Variants in YEATS2 observed in about 807,000 individuals in gnomAD.
YEATS2 encodes YEATS domain-containing protein 2.
In YEATS2, 77 loss-of-function variants were observed where a neutral mutation model predicts 163.2. The observed-to-expected ratio is 0.47, with a 90% CI of 0.39 to 0.57. YEATS2 has a LOEUF of 0.57. Ranked by LOEUF, YEATS2 falls within the 20% of genes least tolerant of loss-of-function variation. The pLI, the probability that YEATS2 is intolerant of heterozygous loss-of-function variation, is 0.00. For missense variants in YEATS2, 1,549 were observed against 1,729.8 expected, an observed-to-expected ratio of 0.90 and a Z score of 1.85; for synonymous variants, 631 against 645.1, an observed-to-expected ratio of 0.98 and a Z score of 0.33.
chr3:183,710,183 A>G (rs1715050673), intron 1 of YEATS2, among the ~76,000 whole-genome samples: 1 of 152,230 alleles, frequency 6.6e-6, no homozygotes, highest in Non-Finnish European at 1.5e-5. Flanking sequence ...TTCAGAAGCT[A>G]TAGAGGATTA....
chr3:183,758,910 C>A lies in YEATS2; in HGVS notation c.1601C>A (p.Thr534Lys), dbSNP rs34759333. 3,531 of 1,596,138 alleles carry A rather than the reference C, an allele frequency of 2.2e-3. 77 individuals carry two copies. The African/African-American group carries it at 0.041, about 19-fold the overall frequency. Residue 534 changes from threonine (T) to lysine (K), a missense_variant, in exon 13 of 31, where the codon ACA (threonine) becomes AAA (lysine). By Grantham distance (78) the Thr-to-Lys change is moderately conservative. Coordinates refer to ENST00000305135, the MANE Select transcript of YEATS2 (RefSeq NM_018023.5). ...ISTASQVSQG[T>K]GSPVPKIHGS... ...ACGGCTTCTCAGGTCTCCCAAGGAA[C>A]AGGTTCCCCTGTTCCTAAAATTCAT...
Position 183,786,163 on chromosome 3 carries a change from C to T in YEATS2, c.2775C>T (p.Ser925=), listed in dbSNP as rs776419573. 33 of 1,613,892 alleles carry T rather than the reference C, an allele frequency of 2.0e-5. 1 individual carries two copies. In the South Asian group the frequency reaches 2.4e-4, roughly 12 times the overall value. The change falls in exon 20 of 31, where the codon TCC becomes TCT. Residue 925 remains serine, a synonymous_variant. Coordinates refer to ENST00000305135, the MANE Select transcript of YEATS2 (RefSeq NM_018023.5). The part of the protein sequence containing the change: ...HGGQASLMKI[S]DSTLKTVPAT... ...GACAGGCATCTCTAATGAAAATATC[C>T]GATAGCACCTTGAAGACTGTGCCAG...
chr3:183,718,856 A>G (rs1401567546), intron 4 of YEATS2, among the ~76,000 whole-genome samples: 1 of 151,416 alleles, frequency 6.6e-6, no homozygotes, highest in Non-Finnish European at 1.5e-5. Flanking sequence ...CACCATGCCC[A>G]GCTCATTTTT....
chr3:183,775,517 C>T (rs1722895360), intron 17 of YEATS2, among the ~76,000 whole-genome samples: 2 of 152,194 alleles, frequency 1.3e-5, no homozygotes, highest in Admixed American at 6.5e-5. Context: ...ATCGCTTGAA[C>T]CCGGGAGGCA....
At chr3:183,793,194 G>A (rs959095450) in intron 21 of YEATS2, 1 of 1,277,434 alleles carries the variant, frequency 7.8e-7, no homozygotes, top group Non-Finnish European at 1.0e-6. Flanking sequence ...ACACACTCAC[G>A]CATGCAGACA....
At chr3:183,800,379 T>A in intron 23 of YEATS2, 87 bp from the exon 24 acceptor site, 1 of 940,972 alleles carries the variant, frequency 1.1e-6, no homozygotes, top group East Asian at 2.4e-5. Context: ...CTTACTGAGC[T>A]TCACTGTAAG....
rs1320583066 is a variant in YEATS2 at position 183,697,855 on chromosome 3, T to G, written c.-158T>G. The G allele has an allele frequency of 2.7e-5, 4 of 150,726 alleles. No homozygotes were observed. Among genetic ancestry groups the G allele is most frequent in the Non-Finnish European group, 5.9e-5 (4 of 67,590 alleles). 9.3% of individuals were successfully genotyped at this position (150,726 alleles called of 1,614,324 possible). Reference sequence around the variant, plus strand: ...GCGCCGGGCGGGCTCCACCGCGCCGTGTGCTTCCGCAGGTTGCGGGGGTCG... The same window carrying G: ...GCGCCGGGCGGGCTCCACCGCGCCGGGTGCTTCCGCAGGTTGCGGGGGTCG... On this transcript the variant is annotated 5_prime_UTR_variant, in exon 1 of 31. Coordinates refer to ENST00000305135, the MANE Select transcript of YEATS2 (RefSeq NM_018023.5).
chr3:183,802,165 C>G (rs1408527958), intron 25 of YEATS2: 2 of 152,428 alleles, frequency 1.3e-5, no homozygotes, highest in Non-Finnish European at 2.9e-5. Context: ...CTGCTTAGCC[C>G]CAGTTGTTTT....
chr3:183,761,967 G>A, intron 14 of YEATS2, 130 bp from the exon 15 acceptor site: 1 of 1,224,202 alleles, frequency 8.2e-7, no homozygotes, highest in South Asian at 1.3e-5. Context: ...CCTTCTGGTG[G>A]AGTCATTCTT....
At chr3:183,780,288 A>G (rs948070870) in intron 19 of YEATS2, among the ~76,000 whole-genome samples, 11 of 152,188 alleles carry the variant, frequency 7.2e-5, no homozygotes, top group African/African-American at 2.4e-4. Flanking sequence ...TGGAAACTGA[A>G]TAGAACTGGC....
At chr3:183,754,604 C>T (rs1025705125) in intron 11 of YEATS2, among the ~76,000 whole-genome samples, 9 of 152,110 alleles carry the variant, frequency 5.9e-5, no homozygotes, top group Non-Finnish European at 8.8e-5. Context: ...TTTTTGTCTG[C>T]CAGAATCAGC....
At chr3:183,785,768 G>A (rs991965518) in intron 19 of YEATS2, among the ~76,000 whole-genome samples, 2 of 152,116 alleles carry the variant, frequency 1.3e-5, no homozygotes, top group African/African-American at 2.4e-5. Flanking sequence ...TTTAAATCTG[G>A]CCCTGTCTAG....
intron 21 of YEATS2, among the ~76,000 whole-genome samples, chr3:183,796,836 G>C (rs1217675271): frequency 1.3e-5 from 2 of 152,118 alleles, no homozygotes; most frequent in African/African-American, 4.8e-5. Flanking sequence ...AGTACTATCT[G>C]AAAACATTAG....
intron 29 of YEATS2, chr3:183,808,743 C>A (rs1726485393): frequency 1.1e-5 from 2 of 182,504 alleles, no homozygotes; most frequent in East Asian, 1.6e-4. Context: ...GTAATCCCAG[C>A]TACTTGGGAG....
At position 183,728,843 on chromosome 3, in the gene YEATS2, G is replaced by A; in HGVS notation, c.804G>A (p.Val268=). 6.2e-7 allele frequency: 1 copy of A among 1,609,552 alleles called. No homozygotes were observed. The part of the protein sequence containing the change: ...LHPSYKPNDL[V]EVREPPFHLT... Reference sequence around the variant, plus strand: ...CTAGCTATAAACCAAATGACCTTGTGGAAGTTAGGTAAGCACGCTTGAGGT... The same window carrying A: ...CTAGCTATAAACCAAATGACCTTGTAGAAGTTAGGTAAGCACGCTTGAGGT... Residue 268 remains valine (V), a synonymous_variant, in exon 7 of 31, where the codon GTG becomes GTA. Transcript: ENST00000305135.
rs1476512665 is a variant in YEATS2, at chr3:183,790,971, A to G, written c.3088A>G (p.Thr1030Ala). 1 of 1,613,742 alleles carries G rather than the reference A, an allele frequency of 6.2e-7. No homozygotes were observed. The highest frequency in any genetic ancestry group is 8.5e-7 in the Non-Finnish European group (1 of 1,179,754). ...PTPNPISGKA[T>A]VSGLLKIHSS... ...ACCAAACCCCATCTCTGGGAAAGCC[A>G]CAGTATCCGGTGAGTTGCATTGTGA... is the stretch of plus-strand genomic sequence containing the variant. Residue 1030 changes from threonine to alanine, a missense_variant, in exon 21 of 31, where the codon ACA (threonine) becomes GCA (alanine). Transcript: ENST00000305135.
rs764443964 is a variant in YEATS2, at chr3:183,790,813, C to T, written c.2930C>T (p.Pro977Leu). The T allele has an allele frequency of 1.5e-5, 24 of 1,613,840 alleles. No individual in the cohort carries two copies. In the East Asian group the frequency reaches 5.3e-4, roughly 36 times the overall value. ...GGTGAGCAGTCTGAAGGAATGGCTC[C>T]CGTGTCTTCATCTACGGTCAGTTCT... ...GPAQQSEGMA[P>L]VSSSTVSSVT... Residue 977 changes from proline to leucine, a missense_variant, in exon 21 of 31, where the codon CCC becomes CTC. Physicochemically the swap from Pro to Leu is moderately conservative, Grantham distance 98. Coordinates refer to ENST00000305135, the MANE Select transcript of YEATS2 (RefSeq NM_018023.5).
At chr3:183,796,031 G>A (rs997316225) in intron 21 of YEATS2, among the ~76,000 whole-genome samples, 2 of 148,394 alleles carry the variant, frequency 1.3e-5, no homozygotes. Context: ...TGCCCAGGCT[G>A]GAGTGCAATG....
intron 6 of YEATS2, among the ~76,000 whole-genome samples, chr3:183,727,817 A>C (rs1222766680): frequency 6.6e-6 from 1 of 152,196 alleles, no homozygotes; most frequent in Non-Finnish European, 1.5e-5. Flanking sequence ...GAGTCACCAG[A>C]AAGGCGCAAA....
Sources: gnomAD v4.1 joint callset for allele counts (sites outside exome capture counted in the v4.1 genomes callset) on GRCh38, gnomAD v4.1.1 for gene constraint, MANE v1.5 for transcripts, NCBI Gene and HGNC (gene_info 2026-07-23, HGNC 2026-07-21) for gene names.